Variants in MAP2K2 observed in about 807,000 individuals in gnomAD.
MAP2K2 encodes the protein dual specificity mitogen-activated protein kinase kinase 2.
MAP2K2 carries 24 observed loss-of-function variants against 43.7 expected under a neutral mutation model. The observed-to-expected ratio is 0.55, with a 90% CI of 0.40 to 0.77. The LOEUF is 0.77. Ranked by LOEUF, MAP2K2 falls within the 30% of genes least tolerant of loss-of-function variation. MAP2K2 has a pLI of 0.00. For synonymous variants in MAP2K2, 244 were observed against 239.7 expected (o/e 1.02, Z -0.17); for missense variants, 470 against 566.8 (o/e 0.83, Z 1.73).
chr19:4,102,282 A>G, intron 4 of MAP2K2, 94 bp downstream of exon 4: 1 of 1,107,872 alleles, frequency 9.0e-7, no homozygotes, highest in South Asian at 1.3e-5. Flanking sequence ...CCTAACCCCC[A>G]CCACACTGTG....
At chr19:4,110,299 T>G (rs2041137465) in intron 3 of MAP2K2, among the ~76,000 whole-genome samples, 1 of 151,868 alleles carries the variant, frequency 6.6e-6, no homozygotes, top group Admixed American at 6.6e-5. Context: ...AGAGTGAGAC[T>G]GCCTCTCAAA....
intron 1 of MAP2K2, among the ~76,000 whole-genome samples, chr19:4,119,547 A>T (rs2041267618): frequency 6.6e-6 from 1 of 152,204 alleles, no homozygotes; most frequent in African/African-American, 2.4e-5. Context: ...AACACATTTG[A>T]TTTAACCCAT....
Position 4,110,696 on chromosome 19 carries a change from G to A in MAP2K2, c.304-41C>T, listed in dbSNP as rs776249909. On this transcript the variant is annotated intron_variant, in intron 2 of 10. Coordinates refer to ENST00000262948, the MANE Select transcript of MAP2K2 (RefSeq NM_030662.4). ...GGCGAGACTGGCTTGGGGGGTGCCC[G>A]AAAACGGGATGAAGGCATTTGGGGC... The A allele has an allele frequency of 8.1e-6, 13 of 1,595,664 alleles. No homozygotes were observed. The South Asian group carries it at 1.3e-4, about 16-fold the overall frequency.
At chr19:4,091,724 C>G (rs1278758080) in intron 10 of MAP2K2, among the ~76,000 whole-genome samples, 1 of 152,140 alleles carries the variant, frequency 6.6e-6, no homozygotes, top group African/African-American at 2.4e-5. Context: ...TCTCAGCTCA[C>G]TGTAACCTCT....
Position 4,099,196 on chromosome 19 carries a change from C to A in MAP2K2, c.919+5G>T. The A allele has an allele frequency of 1.3e-6, 2 of 1,596,968 alleles. No homozygotes were observed. The highest frequency in any genetic ancestry group is 2.3e-5 in the East Asian group (1 of 44,250). On this transcript the variant is annotated splice_donor_5th_base_variant and intron_variant, in intron 7 of 10. Transcript: ENST00000262948. Reference sequence around the variant, plus strand: ...CAGACCGGAAGTTGCAGATTCAGGCCGTACCGCTGACGGGGCGCCCGGGGG... The same window carrying A: ...CAGACCGGAAGTTGCAGATTCAGGCAGTACCGCTGACGGGGCGCCCGGGGG...
intron 10 of MAP2K2, among the ~76,000 whole-genome samples, chr19:4,093,248 A>T (rs2040871716): frequency 6.6e-6 from 1 of 152,036 alleles, no homozygotes; most frequent in African/African-American, 2.4e-5. Flanking sequence ...CACACACAAA[A>T]ACTAGCTGGG....
chr19:4,114,519 C>G (rs1211869181), intron 2 of MAP2K2, among the ~76,000 whole-genome samples: 3 of 152,202 alleles, frequency 2.0e-5, no homozygotes, highest in Admixed American at 2.0e-4. Context: ...TTCAAAGAAG[C>G]CCCACACGCG....
intron 3 of MAP2K2, among the ~76,000 whole-genome samples, chr19:4,104,368 C>A (rs906926762): frequency 7.3e-5 from 11 of 150,378 alleles, no homozygotes; most frequent in Non-Finnish European, 1.6e-4. Context: ...GAGTTTGAGA[C>A]CATCCCGAGC....
intron 9 of MAP2K2, chr19:4,094,954 G>C: frequency 5.6e-6 from 2 of 354,768 alleles, no homozygotes; most frequent in Non-Finnish European, 1.1e-5. Context: ...CTTCCCCGTG[G>C]TCTGCGGCAC....
At chr19:4,110,309 A>T (rs990301778) in intron 3 of MAP2K2, among the ~76,000 whole-genome samples, 200 bp downstream of exon 3, 4 of 152,118 alleles carry the variant, frequency 2.6e-5, no homozygotes, top group African/African-American at 9.7e-5. Context: ...TGCCTCTCAA[A>T]AAAACAAAAA....
chr19:4,117,323 A>T, intron 2 of MAP2K2, 96 bp downstream of exon 2: 1 of 1,150,240 alleles, frequency 8.7e-7, no homozygotes, highest in Non-Finnish European at 1.3e-6. Context: ...GGAGCTAATC[A>T]GAATGCAGAG....
At chr19:4,104,292 G>A (rs575931210) in intron 3 of MAP2K2, among the ~76,000 whole-genome samples, 32 of 147,082 alleles carry the variant, frequency 2.2e-4, no homozygotes, top group Non-Finnish European at 3.9e-4. Flanking sequence ...AAAGCCGCAC[G>A]TGGTGGCGCA....
chr19:4,114,119 C>A (rs1343291372), intron 2 of MAP2K2, among the ~76,000 whole-genome samples: 1 of 152,194 alleles, frequency 6.6e-6, no homozygotes, highest in Non-Finnish European at 1.5e-5. Flanking sequence ...AAGCCTTCAT[C>A]TCTACAAGAG....
intron 6 of MAP2K2, chr19:4,100,438 A>AGG (rs2040988476): frequency 2.0e-5 from 3 of 152,070 alleles, no homozygotes; most frequent in African/African-American, 7.4e-5. Context: ...TCAAAAAAAA[A>AGG]AAAAAAAAAA....
chr19:4,118,049 T>C (rs2041248459), intron 1 of MAP2K2, among the ~76,000 whole-genome samples: 1 of 152,124 alleles, frequency 6.6e-6, no homozygotes, highest in Non-Finnish European at 1.5e-5. Flanking sequence ...GAGATTCTCC[T>C]GCCTCAGCCT....
chr19:4,108,301 C>T (rs1004765600), intron 3 of MAP2K2, among the ~76,000 whole-genome samples: 8 of 152,126 alleles, frequency 5.3e-5, no homozygotes, highest in African/African-American at 1.9e-4. Context: ...AGTGCAGTGG[C>T]ACGATCTCAG....
chr19:4,102,349 C>T (rs778161687), intron 4 of MAP2K2, 27 bp downstream of exon 4: 37 of 1,559,552 alleles, frequency 2.4e-5, no homozygotes, highest in Middle Eastern at 1.7e-4. Flanking sequence ...GCGGTGGGGG[C>T]GCGATGTGGG....
At chr19:4,102,747 T>C (rs1458598179) in intron 3 of MAP2K2, 3 of 1,299,810 alleles carry the variant, frequency 2.3e-6, no homozygotes, top group South Asian at 1.5e-5. Context: ...GCAGAGGCTC[T>C]GCTCCGGGCC....
chr19:4,090,767 G>T, intron 10 of MAP2K2, 59 bp from the exon 11 acceptor site: 2 of 1,114,908 alleles, frequency 1.8e-6, no homozygotes, highest in African/African-American at 1.5e-5. Flanking sequence ...GACGGGGAGG[G>T]CCAGCGTCTG....
Sources: allele counts gnomAD v4.1 joint callset (sites outside exome capture counted in the v4.1 genomes callset), GRCh38; gene constraint gnomAD v4.1.1; transcripts MANE v1.5; gene names NCBI Gene and HGNC (gene_info 2026-07-23, HGNC 2026-07-21).